Variants in HCN1 observed in about 807,000 individuals in gnomAD.
HCN1 encodes hyperpolarization activated cyclic nucleotide gated potassium channel 1, also known as potassium/sodium hyperpolarization-activated cyclic nucleotide-gated channel 1.
In HCN1, 13 loss-of-function variants were observed where a neutral mutation model predicts 78.9. The observed-to-expected ratio is 0.16, with a 90% CI of 0.11 to 0.26. HCN1 has a LOEUF of 0.26. Ranked by LOEUF, HCN1 falls within the 10% of genes least tolerant of loss-of-function variation. The probability of loss-of-function intolerance (pLI) is 1.00; values close to 1 mark genes in which losing one functional copy is unlikely to be tolerated. For synonymous variants in HCN1, 552 were observed against 455.5 expected (o/e 1.21, Z -2.70); for missense variants, 810 against 1,154.3 (o/e 0.70, Z 4.32).
At chr5:45,489,593 C>T (rs1741838157) in intron 2 of HCN1, among the ~76,000 whole-genome samples, 1 of 152,122 alleles carries the variant, frequency 6.6e-6, no homozygotes, top group Non-Finnish European at 1.5e-5. Flanking sequence ...TGTGGTCAAA[C>T]TGAACCTTAG....
chr5:45,623,806 T>A (rs1248271587), intron 2 of HCN1, among the ~76,000 whole-genome samples: 3 of 152,162 alleles, frequency 2.0e-5, no homozygotes, highest in African/African-American at 7.2e-5. Context: ...AAGTGATAAA[T>A]GCTATGAACA....
intron 3 of HCN1, among the ~76,000 whole-genome samples, chr5:45,411,969 G>A (rs1740032945): frequency 6.6e-6 from 1 of 152,068 alleles, no homozygotes; most frequent in Admixed American, 6.6e-5. Flanking sequence ...CAAATTGGCA[G>A]ACTAACTTTA....
chr5:45,275,239 C>A (rs1473681530), intron 6 of HCN1, among the ~76,000 whole-genome samples: 2 of 147,770 alleles, frequency 1.4e-5, no homozygotes, highest in African/African-American at 5.1e-5. Context: ...GAGTGAGACT[C>A]TGTCTCAGAA....
chr5:45,543,507 T>C (rs1579959162), intron 2 of HCN1, among the ~76,000 whole-genome samples: 1 of 152,012 alleles, frequency 6.6e-6, no homozygotes, highest in East Asian at 1.9e-4. Flanking sequence ...TTGAAACCCA[T>C]AAACATTTAA....
intron 2 of HCN1, among the ~76,000 whole-genome samples, chr5:45,472,195 C>T (rs1400299974): frequency 6.6e-6 from 1 of 151,828 alleles, no homozygotes; most frequent in African/African-American, 2.4e-5. Context: ...TGTTTACATG[C>T]TATTCTCTCC....
intron 3 of HCN1, among the ~76,000 whole-genome samples, chr5:45,427,370 C>A (rs929364218): frequency 6.6e-6 from 1 of 151,774 alleles, no homozygotes; most frequent in African/African-American, 2.4e-5. Flanking sequence ...ACAAGTGGTA[C>A]CAAATCCAGG....
intron 4 of HCN1, among the ~76,000 whole-genome samples, chr5:45,394,910 A>C (rs999225456): frequency 2.0e-5 from 3 of 152,196 alleles, no homozygotes; most frequent in Non-Finnish European, 2.9e-5. Context: ...CTTGTCCTCT[A>C]TCAAACACTT....
intron 2 of HCN1, among the ~76,000 whole-genome samples, chr5:45,638,746 T>C (rs962702820): frequency 3.3e-5 from 5 of 151,954 alleles, no homozygotes; most frequent in Admixed American, 3.3e-4. Context: ...CTACTACAAA[T>C]AGAAAAATTA....
At chr5:45,583,766 A>C (rs921713221) in intron 2 of HCN1, among the ~76,000 whole-genome samples, 10 of 151,752 alleles carry the variant, frequency 6.6e-5, no homozygotes, top group African/African-American at 2.2e-4. Flanking sequence ...TTTATTTCTG[A>C]CTTCATTTCA....
chr5:45,338,760 A>C (rs1192268341), intron 5 of HCN1, among the ~76,000 whole-genome samples: 1 of 152,162 alleles, frequency 6.6e-6, no homozygotes, highest in Non-Finnish European at 1.5e-5. Context: ...TGAATGTAGT[A>C]GGTACATAAT....
rs1029920601 is a variant in HCN1, at chr5:45,261,760, A to G, written c.*161T>C. ...GGAATTTAGATATATATTTTATAGT[A>G]TATGTATATATATTTTTACATTTCA... On this transcript the variant is annotated 3_prime_UTR_variant, in exon 8 of 8. Coordinates refer to ENST00000303230, the MANE Select transcript of HCN1 (RefSeq NM_021072.4). 1 of 762,288 alleles carries G rather than the reference A, an allele frequency of 1.3e-6. No individual in the cohort carries two copies. Among genetic ancestry groups the G allele is most frequent in the Non-Finnish European group, 2.2e-6 (1 of 463,944 alleles). 47.2% of individuals were successfully genotyped at this position (762,288 alleles called of 1,614,324 possible).
chr5:45,370,401 G>T (rs958321448), intron 4 of HCN1, among the ~76,000 whole-genome samples: 2 of 151,696 alleles, frequency 1.3e-5, no homozygotes, highest in Non-Finnish European at 2.9e-5. Context: ...ATTTTAGTGG[G>T]TCAGAAACAT....
rs188909224 is a variant in HCN1 at position 45,532,699 on chromosome 5, C to T, written c.850-70692G>A. Among the ~76,000 whole-genome samples the T allele has an allele frequency of 1.7e-3, 258 of 152,242 alleles. 2 individuals are homozygous for T. The highest frequency in any genetic ancestry group is 2.7e-3 in the Non-Finnish European group (183 of 68,012). On this transcript the variant is annotated intron_variant, in intron 2 of 7. Transcript: ENST00000303230. ...TCTAAACTGAGTATTAAGAGATTAT[C>T]CTACAGTACTTGTTGTCCTTGAGCC...
chr5:45,326,562 A>ACTTG (rs1165076912), intron 5 of HCN1, among the ~76,000 whole-genome samples: 2 of 151,648 alleles, frequency 1.3e-5, no homozygotes, highest in African/African-American at 4.8e-5. Flanking sequence ...TTTCACTATT[A>ACTTG]CTTGCTTACA....
chr5:45,576,439 T>C (rs970253620), intron 2 of HCN1: 1 of 152,088 alleles, frequency 6.6e-6, no homozygotes, highest in East Asian at 1.9e-4. Context: ...AAGCTACAGA[T>C]ACATTTTTCT....
At chr5:45,303,287 C>T (rs897799544) in intron 6 of HCN1, among the ~76,000 whole-genome samples, 7 of 152,126 alleles carry the variant, frequency 4.6e-5, no homozygotes, top group South Asian at 2.1e-4. Flanking sequence ...ATGACAAAAA[C>T]GAAACAAAAC....
At chr5:45,346,499 C>A (rs1746713821) in intron 5 of HCN1, among the ~76,000 whole-genome samples, 1 of 152,120 alleles carries the variant, frequency 6.6e-6, no homozygotes, top group African/African-American at 2.4e-5. Flanking sequence ...CTAGGGAGTA[C>A]CAGACAGTGG....
At chr5:45,399,762 T>C (rs956819498) in intron 3 of HCN1, among the ~76,000 whole-genome samples, 9 of 152,302 alleles carry the variant, frequency 5.9e-5, no homozygotes, top group South Asian at 2.1e-4. Flanking sequence ...TTGAGGTTCT[T>C]AAAGTGAAAT....
At chr5:45,533,964 T>C (rs907531023) in intron 2 of HCN1, among the ~76,000 whole-genome samples, 6 of 152,130 alleles carry the variant, frequency 3.9e-5, no homozygotes, top group African/African-American at 1.4e-4. Flanking sequence ...AGAACAAGGA[T>C]TGGCATAATG....
Sources: gnomAD v4.1 joint callset for allele counts (sites outside exome capture counted in the v4.1 genomes callset) on GRCh38, gnomAD v4.1.1 for gene constraint, MANE v1.5 for transcripts, NCBI Gene and HGNC (gene_info 2026-07-23, HGNC 2026-07-21) for gene names.